RAB27B: variants seen among roughly 807,000 people sequenced by gnomAD.
The protein encoded by RAB27B is ras-related protein Rab-27B.
A neutral mutation model predicts 24.6 loss-of-function variants in RAB27B; 15 were observed. The observed-to-expected ratio is 0.61, with a 90% confidence interval of 0.41 to 0.94. The LOEUF is 0.94. RAB27B is among the 40% of genes least tolerant of loss of function. The pLI, the probability that RAB27B is intolerant of heterozygous loss-of-function variation, is 0.00. For synonymous variants in RAB27B, 105 were observed against 92.5 expected, an observed-to-expected ratio of 1.14 and a Z score of -0.78; for missense variants, 261 against 266.8, an observed-to-expected ratio of 0.98 and a Z score of 0.15.
At chr18:54,888,980 C>G (rs1913255540) in intron 5 of RAB27B, among the ~76,000 whole-genome samples, 1 of 152,088 alleles carries the variant, frequency 6.6e-6, no homozygotes, top group Admixed American at 6.6e-5. Flanking sequence ...GCTTCAACTT[C>G]CTGACTACCT....
intron 2 of RAB27B, among the ~76,000 whole-genome samples, chr18:54,814,352 A>G (rs8085272): frequency 0.72 from 110,170 of 152,076 alleles, 40,211 homozygotes; most frequent in Middle Eastern, 0.85. Flanking sequence ...ATAAATTAGT[A>G]TTTGTTTGAA....
At chr18:54,859,412 T>A (rs1206002847) in intron 1 of RAB27B, among the ~76,000 whole-genome samples, 5 of 152,050 alleles carry the variant, frequency 3.3e-5, no homozygotes, top group Non-Finnish European at 7.4e-5. Context: ...GCAACCTTTT[T>A]ATAAGTGTAA....
intron 1 of RAB27B, among the ~76,000 whole-genome samples, chr18:54,872,561 G>A (rs866507439): frequency 6.6e-6 from 1 of 151,482 alleles, no homozygotes; most frequent in East Asian, 1.9e-4. Context: ...GGAGGTGGAG[G>A]TTGCGGTGAG....
intron 2 of RAB27B, among the ~76,000 whole-genome samples, chr18:54,787,460 A>C (rs1909123683): frequency 6.6e-6 from 1 of 152,170 alleles, no homozygotes; most frequent in South Asian, 2.1e-4. Flanking sequence ...GCCCCATGGG[A>C]GCTTCTAAAG....
chr18:54,839,601 G>A (rs1355670660), intron 1 of RAB27B, among the ~76,000 whole-genome samples: 1 of 152,098 alleles, frequency 6.6e-6, no homozygotes, highest in African/African-American at 2.4e-5. Context: ...TACAAGGGCA[G>A]AAAAGAAAAG....
intron 1 of RAB27B, among the ~76,000 whole-genome samples, chr18:54,834,244 G>C (rs911771530): frequency 1.3e-5 from 2 of 152,172 alleles, no homozygotes; most frequent in African/African-American, 4.8e-5. Context: ...AGCTACAGCT[G>C]TATTCAAGGA....
At chr18:54,870,649 C>CT (rs1469444906) in intron 1 of RAB27B, among the ~76,000 whole-genome samples, 1 of 152,098 alleles carries the variant, frequency 6.6e-6, no homozygotes, top group East Asian at 1.9e-4. Flanking sequence ...TGAAAACATA[C>CT]TTTGATTTGT....
At position 54,807,041 on chromosome 18, in the gene RAB27B, C is replaced by G. The variant is rs575518848; in HGVS notation, c.-19-70526C>G. ...TCAGTCTCCTGAGTAGCTGGGACTACAGGTGCACGCCACCACACTCAGCTA... is the reference window on the plus strand; with the variant it reads ...TCAGTCTCCTGAGTAGCTGGGACTAGAGGTGCACGCCACCACACTCAGCTA... On this transcript the variant is annotated intron_variant, in intron 2 of 4. Transcript: ENST00000586570. Among the ~76,000 whole-genome samples, 118 of 152,204 alleles carry G rather than the reference C, an allele frequency of 7.8e-4. 1 individual carries two copies. The highest frequency in any genetic ancestry group is 2.7e-3 in the African/African-American group (113 of 41,538).
chr18:54,887,249 G>A (rs1913182893), intron 4 of RAB27B, among the ~76,000 whole-genome samples: 1 of 151,404 alleles, frequency 6.6e-6, no homozygotes. Flanking sequence ...ACTTCCTAAA[G>A]GAAAAAACAA....
chr18:54,784,377 G>A (rs1243465968), intron 2 of RAB27B, among the ~76,000 whole-genome samples: 1 of 152,068 alleles, frequency 6.6e-6, no homozygotes, highest in African/African-American at 2.4e-5. Flanking sequence ...CTGTGGTTTG[G>A]GCTTCTAATG....
intron 2 of RAB27B, among the ~76,000 whole-genome samples, chr18:54,762,374 G>A (rs2145052894): frequency 6.6e-6 from 1 of 152,240 alleles, no homozygotes; most frequent in Admixed American, 6.5e-5. Flanking sequence ...ATTTTTAGTA[G>A]AGACGAGGTT....
chr18:54,750,697 G>A (rs150806680), intron 2 of RAB27B, among the ~76,000 whole-genome samples: 3 of 152,194 alleles, frequency 2.0e-5, no homozygotes, highest in African/African-American at 4.8e-5. Context: ...TACATTCACC[G>A]AATTCAAGAC....
chr18:54,801,639 A>C (rs1190459323), intron 2 of RAB27B, among the ~76,000 whole-genome samples: 3 of 152,130 alleles, frequency 2.0e-5, no homozygotes, highest in Non-Finnish European at 4.4e-5. Context: ...TGTCCAGTAC[A>C]TTTCAGGATG....
In RAB27B at chr18:54,790,741, A is replaced by G. The variant is rs1909223127; in HGVS notation, c.-20+72600A>G. On this transcript the variant is annotated intron_variant, in intron 2 of 4. Coordinates refer to the RAB27B transcript ENST00000586570. ...TATAGAAAGCATATGAGAATTTAGA[A>G]ATCCAATTAAGTGCTATCTCTAAAA... Among the ~76,000 whole-genome samples, 2 of 152,198 alleles carry G rather than the reference A, an allele frequency of 1.3e-5. 1 individual carries two copies.
At chr18:54,741,785 AACCACTGT>A (rs1179993342) in intron 2 of RAB27B, among the ~76,000 whole-genome samples, 2 of 152,182 alleles carry the variant, frequency 1.3e-5, no homozygotes, top group Non-Finnish European at 2.9e-5. Context: ...TACAGGGGTG[AACCACTGT>A]ACCTGGCCTC....
intron 2 of RAB27B, among the ~76,000 whole-genome samples, chr18:54,740,043 C>A (rs73474597): frequency 0.18 from 27,141 of 152,046 alleles, 2,662 homozygotes; most frequent in African/African-American, 0.25. Context: ...CTGCAGCTTG[C>A]CTCTTTATTT....
intron 2 of RAB27B, among the ~76,000 whole-genome samples, chr18:54,721,059 T>C (rs1302420923): frequency 6.6e-6 from 1 of 152,130 alleles, no homozygotes; most frequent in Non-Finnish European, 1.5e-5. Context: ...AAGGGAAAGT[T>C]ATTATCCATC....
At chr18:54,757,535 T>C (rs542442723) in intron 2 of RAB27B, among the ~76,000 whole-genome samples, 14 of 152,316 alleles carry the variant, frequency 9.2e-5, no homozygotes, top group African/African-American at 3.1e-4. Context: ...AAGCTGTTGA[T>C]ATCTAATTTT....
At chr18:54,875,257 G>T (rs1912646034) in intron 1 of RAB27B, among the ~76,000 whole-genome samples, 1 of 152,074 alleles carries the variant, frequency 6.6e-6, no homozygotes, top group African/African-American at 2.4e-5. Flanking sequence ...ACCAGGGAAG[G>T]TCGATGCTGC....
Sources: allele counts gnomAD v4.1 joint callset (sites outside exome capture counted in the v4.1 genomes callset), GRCh38; gene constraint gnomAD v4.1.1; transcripts MANE v1.5; gene names NCBI Gene and HGNC (gene_info 2026-07-23, HGNC 2026-07-21).